Variants in EXOC4 observed in about 807,000 individuals in gnomAD.
EXOC4 encodes the protein exocyst complex component 4.
A neutral mutation model predicts 107.2 loss-of-function variants in EXOC4; 71 were observed. That is an observed-to-expected ratio of 0.66 (90% confidence interval 0.55 to 0.81). The LOEUF (loss-of-function observed/expected upper bound fraction) is 0.81. EXOC4 is among the 30% of genes least tolerant of loss of function. EXOC4 has a pLI of 0.00. For missense variants in EXOC4, 1,108 were observed against 1,189.6 expected, an observed-to-expected ratio of 0.93 and a Z score of 1.01; for synonymous variants, 456 against 441.2, an observed-to-expected ratio of 1.03 and a Z score of -0.42.
intron 7 of EXOC4, among the ~76,000 whole-genome samples, chr7:133,415,074 G>A (rs1308302465): frequency 6.6e-6 from 1 of 152,026 alleles, no homozygotes. Context: ...GTTAGATAAT[G>A]TTTTTGAGGT....
At chr7:133,708,391 T>A (rs1373985321) in intron 10 of EXOC4, among the ~76,000 whole-genome samples, 3 of 152,204 alleles carry the variant, frequency 2.0e-5, no homozygotes, top group Non-Finnish European at 4.4e-5. Context: ...ATAAAAGAAT[T>A]CCATTCCACA....
intron 11 of EXOC4, among the ~76,000 whole-genome samples, chr7:133,843,064 C>T (rs1016218266): frequency 6.6e-6 from 1 of 152,038 alleles, no homozygotes; most frequent in Non-Finnish European, 1.5e-5. Flanking sequence ...TTTTGGTTAC[C>T]ATAGTCTTGT....
At position 133,291,644 on chromosome 7, in the gene EXOC4, A is replaced by G. The variant is rs187676500; in HGVS notation, c.471+2528A>G. Among the ~76,000 whole-genome samples, 27 of 152,130 alleles carry G rather than the reference A, an allele frequency of 1.8e-4. 1 individual carries two copies. The highest frequency in any genetic ancestry group is 1.6e-3 in the Admixed American group (25 of 15,290). On this transcript the variant is annotated intron_variant, in intron 3 of 17. Coordinates refer to ENST00000253861, the MANE Select transcript of EXOC4 (RefSeq NM_021807.4). ...GTGATCTGCCTGCCTTGGCCTCCCA[A>G]AGTGCTGGGATTACAGCCGTGAGCT...
intron 10 of EXOC4, among the ~76,000 whole-genome samples, chr7:133,794,253 T>C (rs1323663492): frequency 6.6e-6 from 1 of 152,242 alleles, no homozygotes; most frequent in Non-Finnish European, 1.5e-5. Context: ...GAAGATACTT[T>C]TTCATGTACA....
chr7:133,489,563 C>T (rs557266322), intron 9 of EXOC4, among the ~76,000 whole-genome samples: 1 of 152,284 alleles, frequency 6.6e-6, no homozygotes, highest in East Asian at 1.9e-4. Context: ...AGAGTTTCCT[C>T]CCAACTTACC....
chr7:133,691,899 A>G (rs879822503), intron 10 of EXOC4, among the ~76,000 whole-genome samples: 10 of 152,172 alleles, frequency 6.6e-5, no homozygotes, highest in Non-Finnish European at 1.3e-4. Context: ...AAGCCTTCAC[A>G]TGGAAAAGTT....
At chr7:133,937,867 G>T in intron 13 of EXOC4, 24 bp from the exon 14 acceptor site, 1 of 1,613,570 alleles carries the variant, frequency 6.2e-7, no homozygotes, top group East Asian at 2.2e-5. Context: ...TATATATGAA[G>T]TGTGTTTCTG....
chr7:133,970,427 C>T (rs1273775673), intron 14 of EXOC4, among the ~76,000 whole-genome samples: 1 of 132,500 alleles, frequency 7.5e-6, no homozygotes, highest in Non-Finnish European at 1.6e-5. Flanking sequence ...TCAGTGTCTG[C>T]CCAAATGGCT....
chr7:133,864,964 G>A (rs944724855), intron 11 of EXOC4, among the ~76,000 whole-genome samples: 1 of 152,028 alleles, frequency 6.6e-6, no homozygotes, highest in African/African-American at 2.4e-5. Flanking sequence ...TGGTTTCTAA[G>A]ATTTTTAGTT....
At chr7:134,047,176 G>A (rs1795675622) in intron 17 of EXOC4, among the ~76,000 whole-genome samples, 1 of 152,170 alleles carries the variant, frequency 6.6e-6, no homozygotes, top group African/African-American at 2.4e-5. Context: ...CTATAGGTTA[G>A]CATTAGCATT....
chr7:133,817,560 G>A lies in EXOC4; in HGVS notation c.1734+16G>A, dbSNP rs763840903. On this transcript the variant is annotated intron_variant, in intron 11 of 17. Transcript: ENST00000253861. ...TCTCCTACAGGTAATAATACACTTT[G>A]AACTTACTATTTTTATCAGCAATTT... 4 of 1,569,868 alleles carry A rather than the reference G, an allele frequency of 2.5e-6. No individual in the cohort carries two copies. The highest frequency in any genetic ancestry group is 3.5e-6 in the Non-Finnish European group (4 of 1,142,742).
intron 10 of EXOC4, among the ~76,000 whole-genome samples, chr7:133,756,674 G>GA (rs902080755): frequency 6.6e-6 from 1 of 152,118 alleles, no homozygotes; most frequent in African/African-American, 2.4e-5. Context: ...GCACAGGAAA[G>GA]AAAAATTTAT....
chr7:133,925,520 C>T (rs1484445935), intron 13 of EXOC4, among the ~76,000 whole-genome samples: 3 of 152,006 alleles, frequency 2.0e-5, no homozygotes, highest in Non-Finnish European at 2.9e-5. Flanking sequence ...GTTGGGGAAG[C>T]AAAGAGGACA....
At chr7:133,857,363 A>T (rs1296901446) in intron 11 of EXOC4, among the ~76,000 whole-genome samples, 1 of 68,772 alleles carries the variant, frequency 1.5e-5, no homozygotes, top group African/African-American at 6.0e-5. Flanking sequence ...ATATATATAT[A>T]TATTTTACCT....
chr7:133,411,002 C>T (rs1336930837), intron 7 of EXOC4, among the ~76,000 whole-genome samples: 2 of 152,176 alleles, frequency 1.3e-5, no homozygotes, highest in Non-Finnish European at 2.9e-5. Context: ...GTTAAGTCAA[C>T]CTCTCTGATC....
intron 10 of EXOC4, among the ~76,000 whole-genome samples, chr7:133,662,807 G>C (rs1260848773): frequency 2.0e-5 from 3 of 152,174 alleles, no homozygotes; most frequent in African/African-American, 7.2e-5. Context: ...ATTTTGCTAA[G>C]AAGCAGTAGA....
intron 10 of EXOC4, among the ~76,000 whole-genome samples, chr7:133,738,652 C>T (rs1795498399): frequency 6.6e-6 from 1 of 152,136 alleles, no homozygotes; most frequent in African/African-American, 2.4e-5. Flanking sequence ...TTGAAAACAT[C>T]ATTTTTAGGG....
intron 16 of EXOC4, among the ~76,000 whole-genome samples, chr7:134,006,601 T>C (rs1048502454): frequency 7.9e-5 from 12 of 152,168 alleles, no homozygotes; most frequent in Admixed American, 7.2e-4. Flanking sequence ...TGGGGAGCCA[T>C]GGACCTAAAG....
intron 2 of EXOC4, among the ~76,000 whole-genome samples, chr7:133,276,527 A>C (rs1359938158): frequency 6.6e-6 from 1 of 152,172 alleles, no homozygotes; most frequent in Non-Finnish European, 1.5e-5. Flanking sequence ...GCATTTTTAA[A>C]GCAGCAGAAA....
Sources: allele counts gnomAD v4.1 joint callset (sites outside exome capture counted in the v4.1 genomes callset), GRCh38; gene constraint gnomAD v4.1.1; transcripts MANE v1.5; gene names NCBI Gene and HGNC (gene_info 2026-07-23, HGNC 2026-07-21).